ZNG1E: variants seen among roughly 807,000 people sequenced by gnomAD.
ZNG1E encodes the protein Zn regulated GTPase metalloprotein activator 1E, also known as zinc-regulated GTPase metalloprotein activator 1E.
the ZNG1E span, among the ~76,000 whole-genome samples, chr9:65,709,465 T>G: frequency 7.6e-6 from 1 of 130,854 alleles, no homozygotes; most frequent in Non-Finnish European, 1.6e-5. Flanking sequence ...ACTCGTCATC[T>G]AGCATTAGTT....
chr9:65,660,540 G>A, the ZNG1E span, among the ~76,000 whole-genome samples: 7 of 152,290 alleles, frequency 4.6e-5, no homozygotes, highest in South Asian at 4.1e-4. Context: ...GAGTGTATTC[G>A]GTATTTATGT....
the ZNG1E span, among the ~76,000 whole-genome samples, chr9:65,681,068 G>A: frequency 6.6e-6 from 1 of 151,508 alleles, no homozygotes; most frequent in Admixed American, 6.6e-5. Flanking sequence ...ATTTTTAAAT[G>A]AGCACACGGT....
At chr9:65,665,010 G>C in the ZNG1E span, among the ~76,000 whole-genome samples, 4,867 of 126,400 alleles carry the variant, frequency 0.039, 6 homozygotes, top group Admixed American at 0.088. Flanking sequence ...GGTGACTTGG[G>C]TGCTGTTAAA....
chr9:65,695,843 A>AT, the ZNG1E span, among the ~76,000 whole-genome samples: 1 of 145,208 alleles, frequency 6.9e-6, no homozygotes, highest in African/African-American at 2.6e-5. Flanking sequence ...TATCAAAATT[A>AT]TTTTTGTCTT....
chr9:65,699,093 A>ATT, the ZNG1E span, among the ~76,000 whole-genome samples: 3 of 129,546 alleles, frequency 2.3e-5, no homozygotes, highest in Admixed American at 1.6e-4. Flanking sequence ...ATTTTATTTT[A>ATT]TTTTTTTTTA....
At chr9:65,679,345 G>C in the ZNG1E span, 2 of 245,628 alleles carry the variant, frequency 8.1e-6, no homozygotes, top group African/African-American at 4.9e-5. Flanking sequence ...AAATGAAAAT[G>C]CAAGGTATTG....
the ZNG1E span, among the ~76,000 whole-genome samples, chr9:65,691,462 G>A: frequency 6.6e-6 from 1 of 152,040 alleles, no homozygotes; most frequent in Admixed American, 6.6e-5. Context: ...TTGCATTGTG[G>A]TTCTTTTCAC....
At chr9:65,710,518 A>T in the ZNG1E span, among the ~76,000 whole-genome samples, 1 of 151,946 alleles carries the variant, frequency 6.6e-6, no homozygotes, top group African/African-American at 2.4e-5. Flanking sequence ...ATCCATCTTG[A>T]ATTGATTTTT....
chr9:65,672,563 G>A, the ZNG1E span, among the ~76,000 whole-genome samples: 3 of 151,798 alleles, frequency 2.0e-5, no homozygotes, highest in Non-Finnish European at 4.4e-5. Context: ...GGCTAACGTG[G>A]TGAAACCTCG....
the ZNG1E span, among the ~76,000 whole-genome samples, chr9:65,686,892 T>C: frequency 7.9e-5 from 12 of 151,998 alleles, no homozygotes; most frequent in African/African-American, 2.4e-4. Context: ...TTAGGGTTGC[T>C]CTGAATTAGG....
the ZNG1E span, chr9:65,707,024 G>A: frequency 8.3e-6 from 1 of 120,736 alleles, no homozygotes; most frequent in African/African-American, 3.6e-5. Context: ...ATCTCACTCT[G>A]GTTTGAGACA....
chr9:65,661,878 C>A, the ZNG1E span, among the ~76,000 whole-genome samples: 1 of 152,242 alleles, frequency 6.6e-6, no homozygotes, highest in Non-Finnish European at 1.5e-5. Flanking sequence ...TTGAGTTGTA[C>A]ACTTAAATGA....
the ZNG1E span, among the ~76,000 whole-genome samples, chr9:65,710,854 A>G: frequency 1.4e-5 from 2 of 147,552 alleles, no homozygotes; most frequent in South Asian, 4.3e-4. Flanking sequence ...TTTTGGTTCC[A>G]TATGAACTTT....
the ZNG1E span, chr9:65,704,640 C>T: frequency 3.2e-5 from 28 of 870,996 alleles, 1 homozygote; most frequent in South Asian, 1.6e-4. Flanking sequence ...GGGCTGGGTG[C>T]GGTGGCTCAT....
At chr9:65,661,010 A>G in the ZNG1E span, among the ~76,000 whole-genome samples, 5 of 147,642 alleles carry the variant, frequency 3.4e-5, no homozygotes, top group Non-Finnish European at 5.9e-5. Context: ...TCTAAAGTGG[A>G]TGGCCACAAC....
At chr9:65,682,556 T>C in the ZNG1E span, 3 of 440,622 alleles carry the variant, frequency 6.8e-6, no homozygotes, top group Non-Finnish European at 4.2e-6. Context: ...TGTATATGAT[T>C]TCTTTTTACC....
At chr9:65,663,599 G>T in the ZNG1E span, among the ~76,000 whole-genome samples, 2 of 148,276 alleles carry the variant, frequency 1.3e-5, no homozygotes, top group Non-Finnish European at 3.0e-5. Flanking sequence ...AAATAGCTAG[G>T]ATGTTTCCAA....
At chr9:65,681,659 C>A in the ZNG1E span, 1 of 1,575,438 alleles carries the variant, frequency 6.3e-7, no homozygotes, top group Non-Finnish European at 8.6e-7. Context: ...GTTGCCTCTG[C>A]TGTTCAGTGA....
the ZNG1E span, among the ~76,000 whole-genome samples, chr9:65,659,355 C>G: frequency 6.6e-6 from 1 of 150,478 alleles, no homozygotes; most frequent in African/African-American, 2.5e-5. Context: ...ATTAGCCAGG[C>G]GTGGTGGCGC....
Sources: gnomAD v4.1 joint callset for allele counts (sites outside exome capture counted in the v4.1 genomes callset) on GRCh38, gnomAD v4.1.1 for gene constraint, MANE v1.5 for transcripts, NCBI Gene and HGNC (gene_info 2026-07-23, HGNC 2026-07-21) for gene names.